The following DOCK3 variants were observed in gnomAD, a reference collection of about 807,000 sequenced individuals.
DOCK3 encodes the protein dedicator of cytokinesis protein 3.
In DOCK3, 60 loss-of-function variants were observed where a neutral mutation model predicts 265.6. The observed-to-expected ratio is 0.23, with a 90% CI of 0.18 to 0.28. The LOEUF is 0.28. DOCK3 is among the 10% of genes least tolerant of loss of function. The pLI is 1.00. For missense variants in DOCK3, 1,981 were observed against 2,594.3 expected (o/e 0.76, Z 5.14); for synonymous variants, 881 against 938.0 (o/e 0.94, Z 1.11).
intron 12 of DOCK3, among the ~76,000 whole-genome samples, chr3:51,166,534 A>G (rs1230004240): frequency 6.6e-6 from 1 of 152,144 alleles, no homozygotes; most frequent in East Asian, 1.9e-4. Flanking sequence ...TAATTTTTTG[A>G]GGAACTGCCA....
chr3:50,869,342 ATTTTTTT>A lies in DOCK3; in HGVS notation c.163-20642_163-20636del, dbSNP rs755531254. ...TCAATTTTATTTATTTCTGCTGGGA[ATTTTTTT>A]TTTTTTTTTTTTTTTTTTTTTTTTT... On this transcript the variant is annotated intron_variant, in intron 3 of 52. Coordinates refer to ENST00000266037, the MANE Select transcript of DOCK3 (RefSeq NM_004947.5). 2.9e-5 allele frequency among the ~76,000 whole-genome samples: 2 copies of A among 70,106 alleles called. 1 individual carries two copies. The highest frequency in any genetic ancestry group is 1.3e-4 in the African/African-American group (2 of 15,142). The allele number at this position is 70,106 out of a possible 152,430, so 46.0% of individuals were successfully genotyped here.
chr3:50,862,787 A>G (rs1203472757), intron 3 of DOCK3, among the ~76,000 whole-genome samples: 2 of 152,120 alleles, frequency 1.3e-5, no homozygotes, highest in Admixed American at 1.3e-4. Context: ...GGACACTGCC[A>G]TTTTGTGTAG....
chr3:50,886,800 G>C (rs1161334283), intron 3 of DOCK3, among the ~76,000 whole-genome samples: 3 of 152,014 alleles, frequency 2.0e-5, no homozygotes, highest in Non-Finnish European at 4.4e-5. Context: ...AAATAAAGAT[G>C]TTCTTTGAAA....
chr3:51,259,896 C>G (rs1266999348), intron 22 of DOCK3, among the ~76,000 whole-genome samples: 3 of 152,148 alleles, frequency 2.0e-5, no homozygotes, highest in African/African-American at 7.2e-5. Flanking sequence ...TCTATGGCTC[C>G]TTAATTCCAG....
chr3:50,904,594 A>G (rs977248352), intron 4 of DOCK3, among the ~76,000 whole-genome samples: 1 of 152,158 alleles, frequency 6.6e-6, no homozygotes, highest in African/African-American at 2.4e-5. Context: ...TCCTTTGCCC[A>G]CTTTGTGATG....
chr3:51,218,501 G>A (rs2089918108), intron 14 of DOCK3, among the ~76,000 whole-genome samples: 1 of 152,124 alleles, frequency 6.6e-6, no homozygotes. Context: ...TTCAGACCAT[G>A]TCTAAGCCAG....
intron 25 of DOCK3, among the ~76,000 whole-genome samples, chr3:51,277,367 C>G (rs2080871535): frequency 6.6e-6 from 1 of 152,160 alleles, no homozygotes; most frequent in African/African-American, 2.4e-5. Context: ...TTCAAAGTTG[C>G]AGGTGGTGTT....
intron 1 of DOCK3, among the ~76,000 whole-genome samples, chr3:50,702,106 A>G (rs2036079868): frequency 1.3e-5 from 2 of 152,180 alleles, no homozygotes; most frequent in Admixed American, 1.3e-4. Flanking sequence ...TGTGAAGAAT[A>G]TAATTGGTAC....
intron 27 of DOCK3, among the ~76,000 whole-genome samples, chr3:51,307,222 C>A (rs908266096): frequency 9.2e-5 from 14 of 152,144 alleles, no homozygotes; most frequent in African/African-American, 3.4e-4. Flanking sequence ...CTCAAGAAAT[C>A]CTCCCACTTC....
chr3:51,151,975 G>A (rs2085623074), intron 10 of DOCK3, among the ~76,000 whole-genome samples: 6 of 152,024 alleles, frequency 3.9e-5, no homozygotes. Context: ...TATGTGTCTT[G>A]GAGTTGCTCT....
At chr3:51,330,045 A>G in intron 32 of DOCK3, 93 bp from the exon 33 acceptor site, 1 of 1,224,388 alleles carries the variant, frequency 8.2e-7, no homozygotes, top group Non-Finnish European at 1.2e-6. Flanking sequence ...ATCAGGAAGT[A>G]GTTTCCCACC....
intron 4 of DOCK3, among the ~76,000 whole-genome samples, chr3:50,914,207 A>G (rs778343552): frequency 6.0e-5 from 9 of 148,832 alleles, no homozygotes; most frequent in Non-Finnish European, 8.9e-5. Context: ...TCGGCTCTAT[A>G]GTTTATTTTC....
chr3:50,881,903 G>T (rs2048051556), intron 3 of DOCK3, among the ~76,000 whole-genome samples: 1 of 152,152 alleles, frequency 6.6e-6, no homozygotes, highest in African/African-American at 2.4e-5. Context: ...GCATGGTACT[G>T]GGACCAAAAC....
chr3:51,278,057 AT>A (rs2080909681), intron 26 of DOCK3: 1 of 985,292 alleles, frequency 1.0e-6, no homozygotes, highest in Non-Finnish European at 1.2e-6. Context: ...TGTATGTAAG[AT>A]GTAGTAAGAG....
intron 1 of DOCK3, among the ~76,000 whole-genome samples, chr3:50,705,820 A>G (rs964265742): frequency 6.6e-6 from 1 of 152,136 alleles, no homozygotes; most frequent in Non-Finnish European, 1.5e-5. Context: ...ACTTGAGGCC[A>G]GGAGTTTAAG....
intron 1 of DOCK3, among the ~76,000 whole-genome samples, chr3:50,761,105 A>G (rs1405153029): frequency 6.6e-6 from 1 of 152,020 alleles, no homozygotes; most frequent in Non-Finnish European, 1.5e-5. Context: ...AAAAAAATAC[A>G]CATAAGATCC....
At chr3:51,245,390 CTTTTTTTT>C (rs71084137) in intron 21 of DOCK3, among the ~76,000 whole-genome samples, 1 of 106,678 alleles carries the variant, frequency 9.4e-6, no homozygotes, top group African/African-American at 3.5e-5. Context: ...CATTTTCTTT[CTTTTTTTT>C]TTTTTTTTTT....
chr3:50,891,224 A>G (rs2048625070), intron 4 of DOCK3, among the ~76,000 whole-genome samples: 1 of 152,082 alleles, frequency 6.6e-6, no homozygotes, highest in African/African-American at 2.4e-5. Flanking sequence ...GAGACTGCAA[A>G]ACACAGCTTG....
chr3:50,717,667 A>T (rs1315878782), intron 1 of DOCK3, among the ~76,000 whole-genome samples: 1 of 152,134 alleles, frequency 6.6e-6, no homozygotes, highest in Non-Finnish European at 1.5e-5. Context: ...CTGTTCCTCA[A>T]GCTGGAGTGC....
Sources: gnomAD v4.1 joint callset for allele counts (sites outside exome capture counted in the v4.1 genomes callset) on GRCh38, gnomAD v4.1.1 for gene constraint, MANE v1.5 for transcripts, NCBI Gene and HGNC (gene_info 2026-07-23, HGNC 2026-07-21) for gene names.